NAALADL2: variants seen among roughly 807,000 people sequenced by gnomAD.
NAALADL2 encodes the protein N-acetylated alpha-linked acidic dipeptidase like 2.
Under a neutral mutation model 87.2 loss-of-function variants are expected in NAALADL2, and 76 were observed. That is an observed-to-expected ratio of 0.87 (90% CI 0.72 to 1.05). The LOEUF is 1.05. Ranked by LOEUF, NAALADL2 falls within the 50% of genes least tolerant of loss-of-function variation. The pLI, the probability that NAALADL2 is intolerant of heterozygous loss-of-function variation, is 0.00. For synonymous variants in NAALADL2, 354 were observed against 331.0 expected (o/e 1.07, Z -0.75); for missense variants, 1,089 against 945.8 (o/e 1.15, Z -1.99).
intron 11 of NAALADL2, among the ~76,000 whole-genome samples, chr3:175,697,400 G>GACACACACAAACACACAC (rs1553952781): frequency 1.4e-5 from 2 of 145,238 alleles, no homozygotes; most frequent in African/African-American, 5.1e-5. Context: ...GCTGCACACA[G>GACACACACAAACACACAC]ACACACACAC....
chr3:175,084,771 A>T (rs1051005740), intron 1 of NAALADL2, among the ~76,000 whole-genome samples: 3 of 152,198 alleles, frequency 2.0e-5, no homozygotes, highest in Non-Finnish European at 4.4e-5. Flanking sequence ...ATAAGGTATA[A>T]TTCTTGGAGG....
At chr3:175,406,556 T>C (rs752300298) in intron 5 of NAALADL2, among the ~76,000 whole-genome samples, 1 of 152,210 alleles carries the variant, frequency 6.6e-6, no homozygotes, top group Non-Finnish European at 1.5e-5. Context: ...AGTATGTCAG[T>C]GTTAATATCA....
intron 2 of NAALADL2, among the ~76,000 whole-genome samples, chr3:174,610,268 G>T (rs1318089770): frequency 7.9e-5 from 12 of 152,002 alleles, no homozygotes; most frequent in African/African-American, 1.7e-4. Flanking sequence ...AGGACTTCAT[G>T]TCTCAAACAC....
chr3:175,199,819 A>AATATATATATATATATATATATATATAT (rs1273667396), intron 2 of NAALADL2, among the ~76,000 whole-genome samples: 1 of 21,346 alleles, frequency 4.7e-5, no homozygotes, highest in African/African-American at 1.2e-4. Flanking sequence ...GGGGGAAAGA[A>AATATATATATATATATATATATATATAT]ATATATATAT....
chr3:175,584,162 T>C (rs6803414), intron 10 of NAALADL2, among the ~76,000 whole-genome samples: 42,960 of 151,752 alleles, frequency 0.28, 8,624 homozygotes, highest in African/African-American at 0.57. Context: ...CTCAGCCTCC[T>C]GAGTAACTGG....
At chr3:174,487,330 T>C (rs1402544063) in intron 1 of NAALADL2, among the ~76,000 whole-genome samples, 1 of 152,196 alleles carries the variant, frequency 6.6e-6, no homozygotes, top group East Asian at 1.9e-4. Flanking sequence ...ACTGTACTTA[T>C]TTGACTTCAA....
chr3:175,507,536 C>A (rs774598681), intron 9 of NAALADL2, among the ~76,000 whole-genome samples: 2 of 152,158 alleles, frequency 1.3e-5, no homozygotes, highest in Non-Finnish European at 2.9e-5. Context: ...GATTCTCCTG[C>A]CTCAGCCTCC....
chr3:175,431,573 G>A (rs1303925650), intron 5 of NAALADL2, among the ~76,000 whole-genome samples: 1 of 151,868 alleles, frequency 6.6e-6, no homozygotes, highest in East Asian at 1.9e-4. Flanking sequence ...CCAGTTTAAG[G>A]AATGTCGGCG....
intron 9 of NAALADL2, among the ~76,000 whole-genome samples, chr3:175,538,421 G>T (rs538984817): frequency 3.3e-5 from 5 of 151,984 alleles, no homozygotes; most frequent in African/African-American, 1.2e-4. Flanking sequence ...GGCAGGAAAG[G>T]CTCTAGATTA....
intron 3 of NAALADL2, among the ~76,000 whole-genome samples, chr3:175,237,986 A>G (rs1356223336): frequency 6.6e-6 from 1 of 152,214 alleles, no homozygotes; most frequent in East Asian, 1.9e-4. Context: ...TTATCTGTTT[A>G]CTATCAAAGA....
In NAALADL2 at chr3:175,576,593, A is replaced by G. The variant is rs1018328618; in HGVS notation, c.1800+406A>G. 8.1e-4 allele frequency among the ~76,000 whole-genome samples: 124 copies of G among 152,322 alleles called. 1 individual carries two copies. The highest frequency in any genetic ancestry group is 7.9e-3 in the Admixed American group (121 of 15,302). ...TTAATGTGAGCCTTGTGGATTAGCT[A>G]CCCAAAGTTTGTCAATAGTTTGCCT... On this transcript the variant is annotated intron_variant, in intron 10 of 13. Transcript: ENST00000454872.
intron 2 of NAALADL2, among the ~76,000 whole-genome samples, chr3:174,612,271 C>A (rs949084358): frequency 6.6e-6 from 1 of 151,944 alleles, no homozygotes; most frequent in African/African-American, 2.4e-5. Context: ...AGGTATTGTT[C>A]TTTGGGTTAA....
intron 1 of NAALADL2, among the ~76,000 whole-genome samples, chr3:174,987,687 C>G (rs570675135): frequency 9.0e-5 from 13 of 144,352 alleles, no homozygotes; most frequent in Middle Eastern, 7.4e-3. Context: ...AGTGTAGTGA[C>G]GTGATCATAG....
At chr3:174,590,572 C>T (rs544961579) in intron 2 of NAALADL2, among the ~76,000 whole-genome samples, 1 of 152,096 alleles carries the variant, frequency 6.6e-6, no homozygotes, top group Admixed American at 6.5e-5. Context: ...TATTGAATGT[C>T]AACAAAACAC....
At chr3:174,518,118 A>G (rs544912183) in intron 1 of NAALADL2, among the ~76,000 whole-genome samples, 1 of 152,256 alleles carries the variant, frequency 6.6e-6, no homozygotes, top group South Asian at 2.1e-4. Flanking sequence ...GTCAATTTTT[A>G]CTATGTGGGA....
intron 1 of NAALADL2, among the ~76,000 whole-genome samples, chr3:174,474,752 G>A (rs1717110987): frequency 2.0e-5 from 3 of 151,988 alleles, no homozygotes; most frequent in African/African-American, 7.2e-5. Context: ...TGCTTTTTGA[G>A]CTTAGTGTTA....
intron 2 of NAALADL2, among the ~76,000 whole-genome samples, chr3:174,670,092 C>G (rs1726379604): frequency 6.6e-6 from 1 of 150,620 alleles, no homozygotes; most frequent in Non-Finnish European, 1.5e-5. Context: ...ATTTTGTATC[C>G]TGCAACTTTG....
chr3:174,831,622 TAA>T (rs1042590303), intron 3 of NAALADL2, among the ~76,000 whole-genome samples: 17 of 151,392 alleles, frequency 1.1e-4, no homozygotes, highest in African/African-American at 3.9e-4. Flanking sequence ...GCTGGTCTCA[TAA>T]AAAGAGTTAG....
chr3:175,096,577 A>G (rs1011641125), intron 1 of NAALADL2, among the ~76,000 whole-genome samples: 17 of 149,606 alleles, frequency 1.1e-4, no homozygotes, highest in African/African-American at 4.2e-4. Flanking sequence ...AGTACCTTCT[A>G]CTTTCATTTT....
Sources: allele counts gnomAD v4.1 joint callset (sites outside exome capture counted in the v4.1 genomes callset), GRCh38; gene constraint gnomAD v4.1.1; transcripts MANE v1.5; gene names NCBI Gene and HGNC (gene_info 2026-07-23, HGNC 2026-07-21).